The following CSMD1 variants were observed in gnomAD, a reference collection of about 807,000 sequenced individuals.
The protein encoded by CSMD1 is CUB and sushi domain-containing protein 1.
CSMD1 carries 213 observed loss-of-function variants against 417.5 expected under a neutral mutation model. That is an observed-to-expected ratio of 0.51 (90% confidence interval 0.46 to 0.57). The LOEUF (loss-of-function observed/expected upper bound fraction) is 0.57. CSMD1 is among the 20% of genes least tolerant of loss of function. CSMD1 has a pLI of 0.00. For missense variants in CSMD1, 6,923 were observed against 4,529.7 expected, an observed-to-expected ratio of 1.53 and a Z score of -15.17; for synonymous variants, 2,862 against 1,736.8, an observed-to-expected ratio of 1.65 and a Z score of -16.11.
At chr8:3,045,934 G>C (rs754697653) in intron 50 of CSMD1, among the ~76,000 whole-genome samples, 34 of 152,158 alleles carry the variant, frequency 2.2e-4, no homozygotes, top group African/African-American at 8.0e-4. Flanking sequence ...AGGGGGTATA[G>C]GGTTAGTTTT....
At chr8:3,020,093 G>A (rs1049553906) in intron 51 of CSMD1, among the ~76,000 whole-genome samples, 19 of 152,110 alleles carry the variant, frequency 1.2e-4, no homozygotes, top group African/African-American at 4.1e-4. Flanking sequence ...GGCTACCCAG[G>A]GTCTGGTTCT....
At chr8:4,334,222 G>C (rs973931007) in intron 3 of CSMD1, among the ~76,000 whole-genome samples, 10 of 152,026 alleles carry the variant, frequency 6.6e-5, no homozygotes, top group African/African-American at 2.4e-4. Flanking sequence ...AATTCTGTTT[G>C]TATCATCCAA....
rs574588785 is a variant in CSMD1 at position 3,713,268 on chromosome 8, G to C, written c.932-4777C>G. ...CTGCCTTCACTATAATCTCTAAGTG[G>C]TTAGGTTAAAACTCACTTTCTGTAG... On this transcript the variant is annotated intron_variant, in intron 6 of 69. Coordinates refer to ENST00000635120, the MANE Select transcript of CSMD1 (RefSeq NM_033225.6). Among the ~76,000 whole-genome samples, 107 of 152,200 alleles carry C rather than the reference G, an allele frequency of 7.0e-4. 1 individual carries two copies. In the South Asian group the frequency reaches 0.016, roughly 23 times the overall value.
At chr8:3,023,486 C>G (rs2128972868) in intron 51 of CSMD1, among the ~76,000 whole-genome samples, 1 of 152,144 alleles carries the variant, frequency 6.6e-6, no homozygotes, top group East Asian at 1.9e-4. Context: ...GCCGCCTCTA[C>G]ATATTCAATT....
At chr8:3,295,570 C>G (rs1021350898) in intron 25 of CSMD1, among the ~76,000 whole-genome samples, 1 of 152,208 alleles carries the variant, frequency 6.6e-6, no homozygotes, top group South Asian at 2.1e-4. Context: ...AATTTTGACA[C>G]GTGGTACCGC....
At chr8:3,930,552 A>T (rs1036679574) in intron 5 of CSMD1, among the ~76,000 whole-genome samples, 1 of 150,208 alleles carries the variant, frequency 6.7e-6, no homozygotes, top group Admixed American at 6.6e-5. Context: ...TTGCTAGCCA[A>T]TCGGGACAAA....
At chr8:4,353,822 T>C (rs895814165) in intron 3 of CSMD1, among the ~76,000 whole-genome samples, 39 of 152,316 alleles carry the variant, frequency 2.6e-4, no homozygotes, top group African/African-American at 8.7e-4. Flanking sequence ...AAACCAGTGT[T>C]CTTCTCTCCT....
At position 3,995,939 on chromosome 8, in the gene CSMD1, T is replaced by C. The variant is rs572538707; in HGVS notation, c.818+1964A>G. Among the ~76,000 whole-genome samples the C allele has an allele frequency of 6.6e-5, 10 of 152,300 alleles. No homozygotes were observed. The East Asian group carries it at 1.7e-3, about 27-fold the overall frequency. ...AGAGAGATTCCAGTGATGTAGAAGATGTCTTCCAGCCTGGATCCAGGCACC... is the reference window on the plus strand; with the variant it reads ...AGAGAGATTCCAGTGATGTAGAAGACGTCTTCCAGCCTGGATCCAGGCACC... On this transcript the variant is annotated intron_variant, in intron 5 of 69. Transcript: ENST00000635120.
At chr8:3,755,937 G>C (rs1373466420) in intron 5 of CSMD1, among the ~76,000 whole-genome samples, 47 of 152,006 alleles carry the variant, frequency 3.1e-4, no homozygotes, top group African/African-American at 9.7e-5. Context: ...TTTCTGGTGA[G>C]ATTATGTTAC....
intron 2 of CSMD1, among the ~76,000 whole-genome samples, chr8:4,545,132 G>T (rs577808980): frequency 1.3e-5 from 2 of 152,280 alleles, no homozygotes; most frequent in East Asian, 1.9e-4. Flanking sequence ...AAGAGCACAG[G>T]TTTTAAAGTG....
chr8:4,344,607 G>C (rs1394930832), intron 3 of CSMD1, among the ~76,000 whole-genome samples: 1 of 151,484 alleles, frequency 6.6e-6, no homozygotes, highest in Non-Finnish European at 1.5e-5. Flanking sequence ...TGGGTTATGA[G>C]TTACACTACC....
At position 4,233,525 on chromosome 8, in the gene CSMD1, C is replaced by T. The variant is rs534160569; in HGVS notation, c.415+186428G>A. On this transcript the variant is annotated intron_variant, in intron 3 of 69. Coordinates refer to ENST00000635120, the MANE Select transcript of CSMD1 (RefSeq NM_033225.6). ...GGATTAGTGCCCTTATAAAAGAGGA[C>T]GCAGAGAGCTCTCTCACACCTTCCA... Among the ~76,000 whole-genome samples, 98 of 152,214 alleles carry T rather than the reference C, an allele frequency of 6.4e-4. 1 individual carries two copies. The South Asian group carries it at 8.9e-3, about 14-fold the overall frequency.
At chr8:3,380,586 G>A (rs921155587) in intron 18 of CSMD1, among the ~76,000 whole-genome samples, 3 of 152,142 alleles carry the variant, frequency 2.0e-5, no homozygotes, top group Non-Finnish European at 4.4e-5. Flanking sequence ...CATGTCCTTT[G>A]CAGGGACATG....
intron 12 of CSMD1, among the ~76,000 whole-genome samples, chr8:3,447,933 C>A (rs1371316320): frequency 6.6e-6 from 1 of 152,098 alleles, no homozygotes; most frequent in African/African-American, 2.4e-5. Flanking sequence ...TTTTCTCTGT[C>A]ATTTACAGAC....
chr8:4,283,958 G>A (rs779123), intron 3 of CSMD1, among the ~76,000 whole-genome samples: 3 of 152,184 alleles, frequency 2.0e-5, no homozygotes, highest in African/African-American at 7.2e-5. Flanking sequence ...TTTGGCCAGG[G>A]GTGGTGGCTC....
intron 1 of CSMD1, among the ~76,000 whole-genome samples, chr8:4,778,576 G>C (rs1353562655): frequency 6.6e-6 from 1 of 152,124 alleles, no homozygotes; most frequent in Non-Finnish European, 1.5e-5. Flanking sequence ...AGATCAACCT[G>C]GAAATTCCGT....
intron 3 of CSMD1, among the ~76,000 whole-genome samples, chr8:4,282,411 A>C (rs1235658252): frequency 6.6e-6 from 1 of 152,128 alleles, no homozygotes; most frequent in Non-Finnish European, 1.5e-5. Context: ...TCAACATCCC[A>C]AGGATGTCCT....
chr8:4,051,897 T>A (rs1798449588), intron 3 of CSMD1, among the ~76,000 whole-genome samples: 1 of 127,586 alleles, frequency 7.8e-6, no homozygotes, highest in East Asian at 2.4e-4. Flanking sequence ...CCTTCCTTCC[T>A]TCCTTCCTTC....
At chr8:3,858,432 C>T (rs1267117174) in intron 5 of CSMD1, among the ~76,000 whole-genome samples, 1 of 152,058 alleles carries the variant, frequency 6.6e-6, no homozygotes, top group Admixed American at 6.6e-5. Context: ...AGTTTTTAAT[C>T]TATGTTTCAT....
Sources: gnomAD v4.1 joint callset for allele counts (sites outside exome capture counted in the v4.1 genomes callset) on GRCh38, gnomAD v4.1.1 for gene constraint, MANE v1.5 for transcripts, NCBI Gene and HGNC (gene_info 2026-07-23, HGNC 2026-07-21) for gene names.